The following RABGAP1L variants were observed in gnomAD, a reference collection of about 807,000 sequenced individuals.
RABGAP1L encodes rab GTPase-activating protein 1-like.
A neutral mutation model predicts 137.7 loss-of-function variants in RABGAP1L; 63 were observed. The ratio of observed to expected loss-of-function variants is 0.46; its 90% confidence interval spans 0.37 to 0.56. The LOEUF (loss-of-function observed/expected upper bound fraction) is 0.56. RABGAP1L is among the 20% of genes least tolerant of loss of function. The probability of loss-of-function intolerance (pLI) is 0.00; values close to 1 mark genes in which losing one functional copy is unlikely to be tolerated. For missense variants in RABGAP1L, 1,095 were observed against 1,244.0 expected, an observed-to-expected ratio of 0.88 and a Z score of 1.80; for synonymous variants, 431 against 433.7, an observed-to-expected ratio of 0.99 and a Z score of 0.08.
chr1:174,426,867 G>A (rs1174022560), intron 13 of RABGAP1L, among the ~76,000 whole-genome samples: 1 of 152,080 alleles, frequency 6.6e-6, no homozygotes, highest in Non-Finnish European at 1.5e-5. Context: ...TATGCTGCGT[G>A]TGTACCTAGT....
intron 3 of RABGAP1L, among the ~76,000 whole-genome samples, chr1:174,223,423 A>G (rs1251870222): frequency 2.1e-5 from 3 of 146,016 alleles, no homozygotes; most frequent in African/African-American, 7.6e-5. Context: ...AACCTGGGCA[A>G]CAGAGTGAGA....
chr1:174,262,243 C>G (rs1673636809), intron 7 of RABGAP1L, among the ~76,000 whole-genome samples: 1 of 152,210 alleles, frequency 6.6e-6, no homozygotes. Context: ...ACAGAATTTT[C>G]AGCATCTTTT....
chr1:174,824,453 C>A (rs1558118673), intron 19 of RABGAP1L, among the ~76,000 whole-genome samples: 1 of 152,012 alleles, frequency 6.6e-6, no homozygotes, highest in Non-Finnish European at 1.5e-5. Context: ...TGAGATCGTG[C>A]CACTGCACTC....
chr1:174,804,523 C>T lies in RABGAP1L; in HGVS notation c.2212-7309C>T, dbSNP rs1489531763. Among the ~76,000 whole-genome samples, 5 of 152,234 alleles carry T rather than the reference C, an allele frequency of 3.3e-5. No individual in the cohort carries two copies. In the South Asian group the frequency reaches 6.2e-4, roughly 19 times the overall value. On this transcript the variant is annotated intron_variant, in intron 18 of 25. Coordinates refer to ENST00000681986, the MANE Select transcript of RABGAP1L (RefSeq NM_001366446.1). ...TCTTCACCTGGGAAATTCTTGCCAA[C>T]GCTGGTCTAAAACTCCTGAGCTCAA...
intron 1 of RABGAP1L, among the ~76,000 whole-genome samples, chr1:174,161,638 C>T (rs2148178839): frequency 1.3e-5 from 2 of 152,308 alleles, no homozygotes; most frequent in South Asian, 4.1e-4. Context: ...CTCTAGAAAG[C>T]TGGAAACAAG....
At chr1:174,568,285 C>T (rs1161244598) in intron 13 of RABGAP1L, among the ~76,000 whole-genome samples, 1 of 152,138 alleles carries the variant, frequency 6.6e-6, no homozygotes, top group African/African-American at 2.4e-5. Context: ...GTCTGCCCCC[C>T]ATGACCCAGT....
intron 19 of RABGAP1L, among the ~76,000 whole-genome samples, chr1:174,856,454 A>C (rs1649325436): frequency 6.6e-6 from 1 of 151,988 alleles, no homozygotes; most frequent in African/African-American, 2.4e-5. Context: ...TCTTATTTTT[A>C]AAATATTATA....
intron 1 of RABGAP1L, among the ~76,000 whole-genome samples, chr1:174,188,340 T>G (rs1321444665): frequency 1.3e-5 from 2 of 152,240 alleles, no homozygotes; most frequent in African/African-American, 4.8e-5. Flanking sequence ...TGTATAAATT[T>G]AACCTGTTCA....
At chr1:174,813,032 G>A (rs143959862) in intron 19 of RABGAP1L, among the ~76,000 whole-genome samples, 1 of 152,228 alleles carries the variant, frequency 6.6e-6, no homozygotes, top group Non-Finnish European at 1.5e-5. Flanking sequence ...GTAGGCCATT[G>A]TAAGCATTTA....
chr1:174,698,536 A>G (rs1465964034), intron 15 of RABGAP1L, among the ~76,000 whole-genome samples: 2 of 152,196 alleles, frequency 1.3e-5, no homozygotes, highest in African/African-American at 2.4e-5. Flanking sequence ...CCATTTTTGC[A>G]TATGTACAAA....
intron 20 of RABGAP1L, among the ~76,000 whole-genome samples, chr1:174,966,905 T>G (rs1669678556): frequency 1.3e-5 from 2 of 152,292 alleles, no homozygotes; most frequent in African/African-American, 2.4e-5. Flanking sequence ...ATCTTATCCC[T>G]TCCAATGGAA....
At chr1:174,780,719 CA>C (rs1686929342) in intron 18 of RABGAP1L, among the ~76,000 whole-genome samples, 1 of 118,008 alleles carries the variant, frequency 8.5e-6, no homozygotes, top group African/African-American at 3.1e-5. Flanking sequence ...CCCTCCCCCC[CA>C]CCCCCCCACC....
chr1:174,642,164 T>TGAAAAAAGA (rs1674578311), intron 14 of RABGAP1L, among the ~76,000 whole-genome samples: 1 of 152,112 alleles, frequency 6.6e-6, no homozygotes, highest in African/African-American at 2.4e-5. Flanking sequence ...AAATGCTCTC[T>TGAAAAAAGA]GAAAAAAGAG....
At position 174,278,904 on chromosome 1, in the gene RABGAP1L, T is replaced by C. The variant is rs183230506; in HGVS notation, c.1323+125T>C. The C allele has an allele frequency of 2.3e-3, 2,018 of 891,088 alleles. 4 individuals are homozygous for C. The highest frequency in any genetic ancestry group is 2.9e-3 in the Non-Finnish European group (1,867 of 635,400). The allele number at this position is 891,088 out of a possible 1,614,324, so 55.2% of individuals were successfully genotyped here. On this transcript the variant is annotated intron_variant, in intron 10 of 25. Transcript: ENST00000681986. ...AATTCCTCAAAGAAATCAAATGATATTTGAAGTCAACCAATAGAGTGTTTG... is the reference window on the plus strand; with the variant it reads ...AATTCCTCAAAGAAATCAAATGATACTTGAAGTCAACCAATAGAGTGTTTG...
chr1:174,662,121 T>TTTTTTTTG lies in RABGAP1L; in HGVS notation c.1825-21401_1825-21400insTTTTTTTG, dbSNP rs59243192. On this transcript the variant is annotated intron_variant, in intron 14 of 25. Coordinates refer to ENST00000681986, the MANE Select transcript of RABGAP1L (RefSeq NM_001366446.1). Reference sequence around the variant, plus strand: ...TCTTTTCTTTTTTTTTTTTTTTTTTTGAGTTGGAGTCTGGCTCTGTCGCCC... The same window carrying TTTTTTTTG: ...TCTTTTCTTTTTTTTTTTTTTTTTTTTTTTTTTGGAGTTGGAGTCTGGCTCTGTCGCCC... Among the ~76,000 whole-genome samples, 157 of 135,154 alleles carry TTTTTTTTG rather than the reference T, an allele frequency of 1.2e-3. 2 individuals are homozygous for TTTTTTTTG. Among genetic ancestry groups the TTTTTTTTG allele is most frequent in the African/African-American group, 2.0e-3 (66 of 33,392 alleles). The allele number at this position is 135,154 out of a possible 152,430, so 88.7% of individuals were successfully genotyped here.
intron 11 of RABGAP1L, among the ~76,000 whole-genome samples, chr1:174,312,880 C>T (rs1301232690): frequency 6.6e-6 from 1 of 152,110 alleles, no homozygotes; most frequent in Non-Finnish European, 1.5e-5. Context: ...CTGTTTTTGG[C>T]ACCTTTGTCA....
chr1:174,281,415 A>G (rs963308669), intron 10 of RABGAP1L, among the ~76,000 whole-genome samples: 3 of 152,142 alleles, frequency 2.0e-5, no homozygotes, highest in Admixed American at 6.5e-5. Context: ...GTGCGTTTTT[A>G]CAGAGTGCTG....
intron 13 of RABGAP1L, among the ~76,000 whole-genome samples, chr1:174,607,839 G>T (rs1329593117): frequency 6.6e-6 from 1 of 152,202 alleles, no homozygotes; most frequent in African/African-American, 2.4e-5. Flanking sequence ...TTAGAAACCT[G>T]TGTAAAAGCT....
chr1:174,619,919 G>A (rs952308166), intron 13 of RABGAP1L, among the ~76,000 whole-genome samples: 1 of 152,122 alleles, frequency 6.6e-6, no homozygotes, highest in African/African-American at 2.4e-5. Flanking sequence ...GACACACATA[G>A]GCTCACAATA....
Sources: gnomAD v4.1 joint callset for allele counts (sites outside exome capture counted in the v4.1 genomes callset) on GRCh38, gnomAD v4.1.1 for gene constraint, MANE v1.5 for transcripts, NCBI Gene and HGNC (gene_info 2026-07-23, HGNC 2026-07-21) for gene names.